The following NELL1 variants were observed in gnomAD, a reference collection of about 807,000 sequenced individuals.
NELL1 encodes protein kinase C-binding protein NELL1.
Under a neutral mutation model 107.4 loss-of-function variants are expected in NELL1, and 76 were observed. That is an observed-to-expected ratio of 0.71 (90% CI 0.59 to 0.86). The LOEUF is 0.86. Among genes scored for constraint, NELL1 ranks in the 40% least tolerant of loss-of-function variants. The pLI, the probability that NELL1 is intolerant of heterozygous loss-of-function variation, is 0.00. For missense variants in NELL1, 1,024 were observed against 1,005.5 expected (o/e 1.02, Z -0.25); for synonymous variants, 353 against 341.2 (o/e 1.03, Z -0.38).
At chr11:21,401,146 G>C (rs766120443) in intron 15 of NELL1, among the ~76,000 whole-genome samples, 7 of 151,762 alleles carry the variant, frequency 4.6e-5, no homozygotes, top group Non-Finnish European at 8.8e-5. Flanking sequence ...GAAATACCAC[G>C]TGCTATAAAA....
chr11:20,801,834 C>G (rs545452724), intron 3 of NELL1, among the ~76,000 whole-genome samples: 1 of 152,292 alleles, frequency 6.6e-6, no homozygotes, highest in Admixed American at 6.5e-5. Context: ...ATTGAAGAGA[C>G]TGTCCTTTCT....
In NELL1 at chr11:21,570,894, G is replaced by A. The variant is rs147192308; in HGVS notation, c.2111G>A (p.Arg704Gln). ...CLDQNGHKLY[R>Q]SGDNWTHSCQ... is the part of the protein sequence containing the mutation. ...GACCAAAATGGTCACAAGCTGTATC[G>A]AAGTGGAGACAATTGGACCCATAGC... Residue 704 changes from arginine (R) to glutamine (Q), a missense_variant, in exon 18 of 20, where the codon CGA (arginine) becomes CAA (glutamine). Physicochemically the swap from Arg to Gln is conservative, Grantham distance 43. Coordinates refer to ENST00000357134, the MANE Select transcript of NELL1 (RefSeq NM_006157.5). 2.4e-5 allele frequency: 38 copies of A among 1,611,816 alleles called. No individual in the cohort carries two copies. The highest frequency in any genetic ancestry group is 1.7e-4 in the Middle Eastern group (1 of 6,028).
chr11:21,203,726 GAT>G (rs1433681017), intron 13 of NELL1, among the ~76,000 whole-genome samples: 1 of 152,118 alleles, frequency 6.6e-6, no homozygotes, highest in Non-Finnish European at 1.5e-5. Context: ...TTTACAATTT[GAT>G]ATGTTTTTGC....
chr11:21,355,677 C>T (rs1307039555), intron 14 of NELL1, among the ~76,000 whole-genome samples: 1 of 152,176 alleles, frequency 6.6e-6, no homozygotes, highest in Non-Finnish European at 1.5e-5. Flanking sequence ...ATTAAATACT[C>T]CTCACTCCTA....
intron 13 of NELL1, among the ~76,000 whole-genome samples, chr11:21,180,948 C>CG (rs1393297529): frequency 6.6e-6 from 1 of 151,666 alleles, no homozygotes. Context: ...TTTTCCCCAT[C>CG]TCACCATTGA....
intron 5 of NELL1, among the ~76,000 whole-genome samples, chr11:20,889,475 A>G (rs1400783218): frequency 6.6e-6 from 1 of 152,236 alleles, no homozygotes; most frequent in Non-Finnish European, 1.5e-5. Context: ...ATCTTCATTT[A>G]AAAAACTTCC....
At chr11:21,393,724 T>C (rs1851927565) in intron 15 of NELL1, among the ~76,000 whole-genome samples, 1 of 151,626 alleles carries the variant, frequency 6.6e-6, no homozygotes, top group Non-Finnish European at 1.5e-5. Flanking sequence ...ATCCTGAGAT[T>C]AAGATTGGGA....
rs372420048 is a variant in NELL1, at chr11:21,157,161, A to ATATATGTGTG, written c.1426+43448_1426+43449insATATGTGTGT. Among the ~76,000 whole-genome samples, 1,271 of 149,720 alleles carry ATATATGTGTG rather than the reference A, an allele frequency of 8.5e-3. 23 individuals carry two copies. The highest frequency in any genetic ancestry group is 0.029 in the African/African-American group (1,199 of 40,688). ...TATGAATGTGTATGTATATATATAT[A>ATATATGTGTG]TGTGTGTGTGTGTGTGTGTGTGTAC... On this transcript the variant is annotated intron_variant, in intron 13 of 19. Transcript: ENST00000357134.
chr11:21,145,371 T>C (rs1283558596), intron 13 of NELL1, among the ~76,000 whole-genome samples: 1 of 152,202 alleles, frequency 6.6e-6, no homozygotes, highest in Admixed American at 6.5e-5. Context: ...ATTAGGTACC[T>C]GACATTTGCT....
chr11:20,677,782 A>G, intron 1 of NELL1, 150 bp from the exon 2 acceptor site: 1 of 852,852 alleles, frequency 1.2e-6, no homozygotes, highest in Non-Finnish European at 1.8e-6. Flanking sequence ...GGGAGCAAAG[A>G]TTTGCTTTTC....
intron 14 of NELL1, among the ~76,000 whole-genome samples, chr11:21,358,740 GTT>G (rs750001330): frequency 6.3e-4 from 96 of 151,418 alleles, no homozygotes; most frequent in Non-Finnish European, 9.0e-4. Context: ...TGTTGTTGTT[GTT>G]GTTGCAGCTG....
chr11:21,410,700 A>G (rs1260841434), intron 15 of NELL1, among the ~76,000 whole-genome samples: 1 of 152,046 alleles, frequency 6.6e-6, no homozygotes, highest in African/African-American at 2.4e-5. Flanking sequence ...CTGTTTGATC[A>G]CAAAAATGAT....
intron 12 of NELL1, among the ~76,000 whole-genome samples, chr11:21,081,919 T>C (rs1264834875): frequency 6.6e-6 from 1 of 152,206 alleles, no homozygotes; most frequent in African/African-American, 2.4e-5. Flanking sequence ...TTAAAGAAGT[T>C]AAATAATTTA....
intron 3 of NELL1, among the ~76,000 whole-genome samples, chr11:20,791,501 TA>T (rs1857072217): frequency 6.6e-6 from 1 of 152,184 alleles, no homozygotes; most frequent in Non-Finnish European, 1.5e-5. Context: ...CATATAAGAT[TA>T]TGTCATCTCC....
At chr11:21,260,080 G>A (rs191482367) in intron 14 of NELL1, 17 of 151,912 alleles carry the variant, frequency 1.1e-4, no homozygotes, top group Admixed American at 3.9e-4. Context: ...GAAACCAAAC[G>A]GAAAACCTGG....
intron 12 of NELL1, among the ~76,000 whole-genome samples, chr11:20,998,634 G>T (rs999081354): frequency 2.6e-5 from 4 of 152,182 alleles, no homozygotes; most frequent in Admixed American, 2.6e-4. Context: ...AGCCAAAGCA[G>T]CAGCTAATTT....
At chr11:21,081,150 C>T (rs925743581) in intron 12 of NELL1, among the ~76,000 whole-genome samples, 4 of 152,074 alleles carry the variant, frequency 2.6e-5, no homozygotes, top group Non-Finnish European at 5.9e-5. Context: ...ATGTTGGCAG[C>T]TCCAGGAGAC....
chr11:21,286,611 TC>T (rs1849122371), intron 14 of NELL1, among the ~76,000 whole-genome samples: 2 of 152,242 alleles, frequency 1.3e-5, no homozygotes, highest in African/African-American at 4.8e-5. Context: ...GTTGTTGGCT[TC>T]TATTTAGCAA....
chr11:21,403,406 T>C (rs994135736), intron 15 of NELL1, among the ~76,000 whole-genome samples: 4 of 151,702 alleles, frequency 2.6e-5, no homozygotes, highest in African/African-American at 4.9e-5. Flanking sequence ...TAACTATTTT[T>C]CACATTATTG....
Sources: allele counts gnomAD v4.1 joint callset (sites outside exome capture counted in the v4.1 genomes callset), GRCh38; gene constraint gnomAD v4.1.1; transcripts MANE v1.5; gene names NCBI Gene and HGNC (gene_info 2026-07-23, HGNC 2026-07-21).